Variants in DRC10 observed in about 807,000 individuals in gnomAD.
DRC10 encodes dynein regulatory complex subunit 10.
the DRC10 span, among the ~76,000 whole-genome samples, chr12:113,216,339 T>C: frequency 6.6e-6 from 1 of 152,090 alleles, no homozygotes; most frequent in Non-Finnish European, 1.5e-5. Flanking sequence ...ACTATGGAGA[T>C]AGTAAAAAGA....
chr12:113,210,092 C>T, the DRC10 span, among the ~76,000 whole-genome samples: 4 of 152,324 alleles, frequency 2.6e-5, no homozygotes, highest in South Asian at 4.1e-4. Context: ...GCCAAGTTTG[C>T]ATCACTGTAC....
chr12:113,208,734 G>A, the DRC10 span, among the ~76,000 whole-genome samples: 1 of 152,148 alleles, frequency 6.6e-6, no homozygotes, highest in Non-Finnish European at 1.5e-5. Flanking sequence ...AAGGGTGGCG[G>A]TGGGGGAGGA....
At chr12:113,207,345 C>T in the DRC10 span, 22 of 1,081,068 alleles carry the variant, frequency 2.0e-5, no homozygotes, top group Non-Finnish European at 3.1e-5. Context: ...GAGACTCCAT[C>T]TTAAAAAAAA....
At chr12:113,207,791 A>G in the DRC10 span, 1 of 1,613,730 alleles carries the variant, frequency 6.2e-7, no homozygotes, top group Non-Finnish European at 8.5e-7. Context: ...TCTCTGAGCC[A>G]CCCTTCCTCC....
the DRC10 span, among the ~76,000 whole-genome samples, chr12:113,206,522 G>T: frequency 1.3e-5 from 2 of 152,074 alleles, no homozygotes; most frequent in African/African-American, 4.8e-5. Flanking sequence ...GGGTGGATGC[G>T]TCAGGTTATA....
At chr12:113,213,246 T>G in the DRC10 span, among the ~76,000 whole-genome samples, 1 of 151,828 alleles carries the variant, frequency 6.6e-6, no homozygotes, top group Non-Finnish European at 1.5e-5. Context: ...CTCTCTCTCT[T>G]TTTAAATTCA....
the DRC10 span, among the ~76,000 whole-genome samples, chr12:113,213,454 T>G: frequency 6.6e-6 from 1 of 152,244 alleles, no homozygotes; most frequent in Non-Finnish European, 1.5e-5. Flanking sequence ...GAGAACTTAC[T>G]GTGTAGCAGA....
chr12:113,205,241 A>G, the DRC10 span, among the ~76,000 whole-genome samples: 1 of 152,014 alleles, frequency 6.6e-6, no homozygotes, highest in Non-Finnish European at 1.5e-5. Flanking sequence ...TAAAAAAAAA[A>G]AGCTACTTAG....
At chr12:113,221,041 G>A in the DRC10 span, 2 of 402,092 alleles carry the variant, frequency 5.0e-6, no homozygotes, top group African/African-American at 2.0e-5. Flanking sequence ...TTACCGCCGC[G>A]GTCCCTGCGT....
At chr12:113,197,667 A>T in the DRC10 span, 1 of 1,103,840 alleles carries the variant, frequency 9.1e-7, no homozygotes, top group African/African-American at 1.5e-5. Flanking sequence ...AATCAACAGC[A>T]CTGAGCACTC....
the DRC10 span, among the ~76,000 whole-genome samples, chr12:113,196,057 G>T: frequency 3.3e-5 from 5 of 152,196 alleles, no homozygotes; most frequent in African/African-American, 7.2e-5. Flanking sequence ...AGAGGGGATG[G>T]GCTCCATCCT....
the DRC10 span, among the ~76,000 whole-genome samples, chr12:113,215,868 T>A: frequency 6.6e-6 from 1 of 152,170 alleles, no homozygotes; most frequent in Non-Finnish European, 1.5e-5. Context: ...CACCGACAAC[T>A]CCAAATGCTG....
the DRC10 span, among the ~76,000 whole-genome samples, chr12:113,210,970 G>A: frequency 6.6e-6 from 1 of 152,154 alleles, no homozygotes; most frequent in East Asian, 1.9e-4. Context: ...TTGAGTTTGG[G>A]TGACTGGTAG....
chr12:113,195,913 G>T, the DRC10 span: 15 of 1,577,414 alleles, frequency 9.5e-6, no homozygotes, highest in African/African-American at 4.0e-5. Context: ...TGGGGCTGGG[G>T]TCACCACACA....
chr12:113,203,231 C>T, the DRC10 span: 1 of 331,230 alleles, frequency 3.0e-6, no homozygotes, highest in Admixed American at 3.8e-5. Context: ...TGCCGTGTTG[C>T]CCAGGCTGGT....
At chr12:113,215,175 G>A in the DRC10 span, among the ~76,000 whole-genome samples, 1 of 152,150 alleles carries the variant, frequency 6.6e-6, no homozygotes, top group East Asian at 1.9e-4. Flanking sequence ...GATCTTCTGG[G>A]CTTTCATTTC....
At chr12:113,200,452 A>T in the DRC10 span, 3 of 812,966 alleles carry the variant, frequency 3.7e-6, no homozygotes, top group Admixed American at 2.0e-5. Context: ...CCACCAAGCC[A>T]CTTCCTGAGT....
the DRC10 span, among the ~76,000 whole-genome samples, chr12:113,216,719 G>A: frequency 6.6e-6 from 1 of 152,172 alleles, no homozygotes; most frequent in Non-Finnish European, 1.5e-5. Context: ...TCTTAAGGTT[G>A]TAACCCTTTA....
the DRC10 span, among the ~76,000 whole-genome samples, chr12:113,210,798 A>G: frequency 6.6e-6 from 1 of 151,402 alleles, no homozygotes; most frequent in Non-Finnish European, 1.5e-5. Context: ...GCACCTGTTT[A>G]TTTGTTTATT....
Sources: allele counts gnomAD v4.1 joint callset (sites outside exome capture counted in the v4.1 genomes callset), GRCh38; gene constraint gnomAD v4.1.1; transcripts MANE v1.5; gene names NCBI Gene and HGNC (gene_info 2026-07-23, HGNC 2026-07-21).